The following TSEN2 variants were observed in gnomAD, a reference collection of about 807,000 sequenced individuals.
TSEN2 encodes the protein tRNA-splicing endonuclease subunit Sen2.
TSEN2 carries 54 observed loss-of-function variants against 59.2 expected under a neutral mutation model. That is an observed-to-expected ratio of 0.91 (90% CI 0.73 to 1.14). TSEN2 has a LOEUF of 1.14. Ranked by LOEUF, TSEN2 falls within the 50% of genes most tolerant of loss-of-function variation. The pLI, the probability that TSEN2 is intolerant of heterozygous loss-of-function variation, is 0.00. For missense variants in TSEN2, 636 were observed against 576.2 expected, an observed-to-expected ratio of 1.10 and a Z score of -1.06; for synonymous variants, 195 against 198.2, an observed-to-expected ratio of 0.98 and a Z score of 0.14.
upstream of TSEN2, among the ~76,000 whole-genome samples, chr3:12,481,581 C>T (rs1287720763): frequency 6.6e-6 from 1 of 152,150 alleles, no homozygotes; most frequent in African/African-American, 2.4e-5. Context: ...GTGTTCCCCA[C>T]CCAAGAAATG....
At chr3:12,501,398 C>G (rs1163887669) in intron 4 of TSEN2, among the ~76,000 whole-genome samples, 2 of 152,116 alleles carry the variant, frequency 1.3e-5, no homozygotes, top group Non-Finnish European at 2.9e-5. Flanking sequence ...ATTAGGGTAG[C>G]CTTACCAGGT....
At chr3:12,510,778 C>G (rs2055364299) in intron 6 of TSEN2, among the ~76,000 whole-genome samples, 2 of 152,106 alleles carry the variant, frequency 1.3e-5, no homozygotes, top group Non-Finnish European at 2.9e-5. Flanking sequence ...TGACTAGTCT[C>G]CCTCCCCTGC....
chr3:12,536,583 T>A (rs2125276759), downstream of TSEN2, among the ~76,000 whole-genome samples: 1 of 152,318 alleles, frequency 6.6e-6, no homozygotes, highest in African/African-American at 2.4e-5. Context: ...TAAAGGAAAC[T>A]TAATCTAAGG....
chr3:12,516,794 TA>T lies in TSEN2; in HGVS notation c.960+136del. On this transcript the variant is annotated intron_variant, in intron 7 of 11. Coordinates refer to ENST00000284995, the MANE Select transcript of TSEN2 (RefSeq NM_025265.4). ...ATAAAATAGGAATTGAATTTTTCTC[TA>T]AAGTTTTGGATTTGGGTCCTGAGGT... 5 of 1,011,242 alleles carry T rather than the reference TA, an allele frequency of 4.9e-6. No individual in the cohort carries two copies. The South Asian group carries it at 7.1e-5, about 14-fold the overall frequency. The allele number at this position is 1,011,242 out of a possible 1,614,324, so 62.6% of individuals were successfully genotyped here. A position where few individuals can be genotyped will look rare whatever the true frequency, so the allele number is the denominator to read the frequency against.
At chr3:12,483,682 C>T (rs933105719), upstream of TSEN2, among the ~76,000 whole-genome samples, 8 of 152,236 alleles carry the variant, frequency 5.3e-5, no homozygotes, top group Admixed American at 3.9e-4. Context: ...TGCCACACTT[C>T]CTTGCCATCC....
chr3:12,516,162 C>T (rs2056049447), intron 6 of TSEN2, among the ~76,000 whole-genome samples: 1 of 152,074 alleles, frequency 6.6e-6, no homozygotes, highest in Non-Finnish European at 1.5e-5. Flanking sequence ...TGGTGGCTCA[C>T]ACCTGTAATC....
intron 3 of TSEN2, among the ~76,000 whole-genome samples, chr3:12,494,462 T>A (rs891111736): frequency 2.6e-5 from 4 of 152,200 alleles, no homozygotes; most frequent in African/African-American, 9.7e-5. Flanking sequence ...CAATCTCCGA[T>A]CTCAGCTCAC....
At chr3:12,522,999 A>G (rs1012771806) in intron 8 of TSEN2, among the ~76,000 whole-genome samples, 4 of 152,044 alleles carry the variant, frequency 2.6e-5, no homozygotes, top group African/African-American at 9.7e-5. Context: ...TGAGGTCTGT[A>G]GTAGTAGCTT....
At chr3:12,531,528 T>C (rs1483714147) in intron 10 of TSEN2, 42 bp from the exon 11 acceptor site, 1 of 1,391,190 alleles carries the variant, frequency 7.2e-7, no homozygotes, top group South Asian at 1.2e-5. Flanking sequence ...ATTTGTACTA[T>C]TATTTTGTAG....
rs1209387100 is a variant in TSEN2 at position 12,539,089 on chromosome 3, G to T, written c.1261-72G>T. 3.4e-5 allele frequency: 14 copies of T among 414,978 alleles called. No homozygotes were observed. In the Admixed American group the frequency reaches 3.4e-4, roughly 10 times the overall value. 25.7% of individuals were successfully genotyped at this position (414,978 alleles called of 1,614,324 possible). A position where few individuals can be genotyped will look rare whatever the true frequency, so the allele number is the denominator to read the frequency against. On this transcript the variant is annotated intron_variant, in intron 10 of 10. Coordinates refer to the TSEN2 transcript ENST00000412698. ...GATTTAGATTCTGAGGGGGTTTTTG[G>T]TTTTTTTTACTGTTGTTCACTATCA...
intron 6 of TSEN2, among the ~76,000 whole-genome samples, chr3:12,507,275 G>A (rs916348572): frequency 4.6e-5 from 7 of 152,150 alleles, no homozygotes; most frequent in Admixed American, 4.6e-4. Flanking sequence ...GAACAGCCAC[G>A]TGTGGCCACT....
chr3:12,493,236 A>C (rs1374684677), intron 3 of TSEN2, among the ~76,000 whole-genome samples: 2 of 152,216 alleles, frequency 1.3e-5, no homozygotes, highest in Non-Finnish European at 2.9e-5. Context: ...GAATATTTGC[A>C]TACACGTATC....
At chr3:12,534,451 CT>C (rs2057621643), downstream of TSEN2, among the ~76,000 whole-genome samples, 1 of 152,104 alleles carries the variant, frequency 6.6e-6, no homozygotes, top group Non-Finnish European at 1.5e-5. Context: ...TTTACTTGCC[CT>C]TGATAACCTC....
At chr3:12,502,628 A>T (rs2125041503) in intron 4 of TSEN2, among the ~76,000 whole-genome samples, 1 of 151,184 alleles carries the variant, frequency 6.6e-6, no homozygotes, top group Middle Eastern at 3.5e-3. Flanking sequence ...TATCAGTTTT[A>T]AATTAGATAA....
Position 12,489,796 on chromosome 3 carries a change from G to A in TSEN2, c.-5G>A, listed in dbSNP as rs2053022368. On this transcript the variant is annotated 5_prime_UTR_variant, in exon 2 of 12. It removes the in-frame stop codon of an upstream open reading frame in the 5' UTR. Coordinates refer to ENST00000284995, the MANE Select transcript of TSEN2 (RefSeq NM_025265.4). ...CTACTCTTTAAAGAATACCTCCTCT[G>A]AAAAATGGCAGAAGCAGTTTTCCAT... 6 of 1,612,612 alleles carry A rather than the reference G, an allele frequency of 3.7e-6. No homozygotes were observed. In the East Asian group the frequency reaches 1.3e-4, roughly 36 times the overall value.
exon 11 of TSEN2, chr3:12,539,175 C>T: frequency 2.3e-6 from 1 of 438,048 alleles, no homozygotes. Flanking sequence ...GCTCTGTCGT[C>T]CAGGCTGGAG....
At chr3:12,531,308 T>C in intron 10 of TSEN2, 1 of 433,106 alleles carries the variant, frequency 2.3e-6, no homozygotes, top group Admixed American at 3.7e-5. Context: ...ACTTACTATA[T>C]TTAGTATTCT....
At chr3:12,488,390 A>T (rs926563851) in intron 1 of TSEN2, among the ~76,000 whole-genome samples, 3 of 152,202 alleles carry the variant, frequency 2.0e-5, no homozygotes, top group African/African-American at 7.2e-5. Flanking sequence ...GTACTGGGGG[A>T]GCAGCAGATT....
At chr3:12,495,365 A>G (rs2053647544) in intron 3 of TSEN2, among the ~76,000 whole-genome samples, 1 of 152,018 alleles carries the variant, frequency 6.6e-6, no homozygotes, top group Non-Finnish European at 1.5e-5. Flanking sequence ...GAGTAGCTGG[A>G]ACTACAGGCA....
Sources: gnomAD v4.1 joint callset for allele counts (sites outside exome capture counted in the v4.1 genomes callset) on GRCh38, gnomAD v4.1.1 for gene constraint, MANE v1.5 for transcripts, NCBI Gene and HGNC (gene_info 2026-07-23, HGNC 2026-07-21) for gene names.